Variants in PCDH11X observed in about 807,000 individuals in gnomAD.
PCDH11X encodes protocadherin 11 X-linked, also known as protocadherin-11 X-linked.
Under a neutral mutation model 53.3 loss-of-function variants are expected in PCDH11X, and 18 were observed. The observed-to-expected ratio is 0.34, with a 90% CI of 0.23 to 0.50. The LOEUF (loss-of-function observed/expected upper bound fraction) is 0.50, where lower values mean the gene tolerates loss of function less well. PCDH11X is among the 20% of genes least tolerant of loss of function. The pLI, the probability that PCDH11X is intolerant of heterozygous loss-of-function variation, is 0.98. For missense variants in PCDH11X, 570 were observed against 1,032.4 expected (o/e 0.55, Z 6.14); for synonymous variants, 279 against 393.3 (o/e 0.71, Z 3.44).
intron 8 of PCDH11X, among the ~76,000 whole-genome samples, chrX:92,309,822 G>A (rs1172962957): frequency 9.0e-6 from 1 of 111,328 alleles, no homozygotes; most frequent in African/African-American, 3.3e-5. Flanking sequence ...TTTCCCCCAA[G>A]CCAGTGATAG....
chrX:92,156,158 A>T (rs1427337727), intron 6 of PCDH11X, among the ~76,000 whole-genome samples: 2 of 107,789 alleles, frequency 1.9e-5, no homozygotes, highest in African/African-American at 6.9e-5. Flanking sequence ...AAGAGACCAT[A>T]GGATTGATTA....
In PCDH11X at chrX:92,152,791, GTATGTATT is replaced by G. The variant is rs1220527132; in HGVS notation, c.3034-48580_3034-48573del. Among the ~76,000 whole-genome samples, 476 of 72,518 alleles carry G rather than the reference GTATGTATT, an allele frequency of 6.6e-3. 2 individuals are homozygous for G. Among genetic ancestry groups the G allele is most frequent in the African/African-American group, 0.026 (424 of 16,481 alleles). The allele number at this position is 72,518 out of a possible 115,157, so 63.0% of individuals were successfully genotyped here. A position where few individuals can be genotyped will look rare whatever the true frequency, so the allele number is the denominator to read the frequency against. ...TGTATGTATGTATGTATGTATGTAT[GTATGTATT>G]TATTTATTTATTTTTTGAGACGGAG... On this transcript the variant is annotated intron_variant, in intron 6 of 10. Coordinates refer to ENST00000682573, the MANE Select transcript of PCDH11X (RefSeq NM_032968.5).
At chrX:92,581,740 G>A (rs1420494230) in intron 10 of PCDH11X, among the ~76,000 whole-genome samples, 2 of 111,550 alleles carry the variant, frequency 1.8e-5, no homozygotes, top group Non-Finnish European at 3.8e-5. Context: ...GGAACAGTTT[G>A]GAGGGCTCTG....
intron 9 of PCDH11X, chrX:92,460,410 A>G (rs2073012745): frequency 3.5e-6 from 3 of 868,153 alleles, no homozygotes; most frequent in Non-Finnish European, 5.1e-6. Flanking sequence ...AGATCATGGC[A>G]GACATCCGGG....
At chrX:91,902,132 G>T (rs1940977116) in intron 6 of PCDH11X, among the ~76,000 whole-genome samples, 1 of 111,601 alleles carries the variant, frequency 9.0e-6, no homozygotes, top group Non-Finnish European at 1.9e-5. Context: ...AAAAACAAAT[G>T]AAAGAAATTT....
At chrX:92,261,895 A>G (rs1048606704) in intron 7 of PCDH11X, among the ~76,000 whole-genome samples, 1 of 111,708 alleles carries the variant, frequency 9.0e-6, no homozygotes, top group Non-Finnish European at 1.9e-5. Flanking sequence ...ATGCCTTCAC[A>G]GAAAATTAAA....
At chrX:92,452,610 G>A (rs1268268447) in intron 9 of PCDH11X, among the ~76,000 whole-genome samples, 1 of 95,423 alleles carries the variant, frequency 1.0e-5, no homozygotes, top group African/African-American at 3.9e-5. Flanking sequence ...CAATTCACCT[G>A]TCTCAGCCTC....
intron 6 of PCDH11X, among the ~76,000 whole-genome samples, chrX:92,040,574 A>T (rs2063195277): frequency 8.9e-6 from 1 of 111,919 alleles, no homozygotes; most frequent in Admixed American, 9.5e-5. Flanking sequence ...GACGTCCATG[A>T]TACACGACTG....
At chrX:92,371,022 A>G (rs1305307691) in intron 8 of PCDH11X, among the ~76,000 whole-genome samples, 1 of 111,673 alleles carries the variant, frequency 9.0e-6, no homozygotes, top group Admixed American at 9.5e-5. Context: ...TAGCATAGCT[A>G]TGATTGCTTT....
chrX:92,622,791 T>G lies in PCDH11X; in HGVS notation c.*3851T>G, dbSNP rs1429392499. 1 of 109,497 alleles carries G rather than the reference T, an allele frequency of 9.1e-6. No individual in the cohort carries two copies. Among genetic ancestry groups the G allele is most frequent in the East Asian group, 2.9e-4 (1 of 3,499 alleles). The allele number at this position is 109,497 out of a possible 1,213,427, so 9.0% of individuals were successfully genotyped here. On this transcript the variant is annotated 3_prime_UTR_variant, in exon 11 of 11. Coordinates refer to ENST00000682573, the MANE Select transcript of PCDH11X (RefSeq NM_032968.5). ...CTTTCTTACACTAACCGTCATGTGC[T>G]TTTAGTAAATATGATTTTTAAAAGC...
intron 9 of PCDH11X, among the ~76,000 whole-genome samples, chrX:92,457,192 T>C (rs1236742602): frequency 9.1e-6 from 1 of 110,134 alleles, no homozygotes; most frequent in African/African-American, 3.3e-5. Context: ...TCCCTAATAG[T>C]TAAAACAATA....
chrX:92,615,284 G>T (rs1176298393), intron 10 of PCDH11X, among the ~76,000 whole-genome samples: 1 of 110,820 alleles, frequency 9.0e-6, no homozygotes, highest in Non-Finnish European at 1.9e-5. Flanking sequence ...GAAAAGTGGG[G>T]CAACTCAGAT....
chrX:92,117,104 T>C (rs956692243), intron 6 of PCDH11X, among the ~76,000 whole-genome samples: 2 of 108,253 alleles, frequency 1.8e-5, no homozygotes, highest in Non-Finnish European at 3.8e-5. Flanking sequence ...AATCCTTTTA[T>C]GTCTTTAAAC....
At chrX:92,259,499 CATG>C (rs993973041) in intron 7 of PCDH11X, among the ~76,000 whole-genome samples, 4 of 110,935 alleles carry the variant, frequency 3.6e-5, no homozygotes, top group African/African-American at 1.3e-4. Flanking sequence ...AACCAGATCT[CATG>C]ATAACTCACT....
chrX:92,097,512 C>A (rs2064161308), intron 6 of PCDH11X, among the ~76,000 whole-genome samples: 1 of 108,321 alleles, frequency 9.2e-6, no homozygotes, highest in East Asian at 2.9e-4. Context: ...TTATTTTTTT[C>A]TTTTCATTTC....
chrX:92,150,314 C>T (rs186995766), intron 6 of PCDH11X, among the ~76,000 whole-genome samples: 55 of 110,582 alleles, frequency 5.0e-4, no homozygotes, highest in Admixed American at 1.6e-3. Context: ...AAAAGTATGA[C>T]ATTATTGCTT....
At chrX:92,477,812 G>A (rs906270904) in intron 10 of PCDH11X, among the ~76,000 whole-genome samples, 2 of 104,084 alleles carry the variant, frequency 1.9e-5, no homozygotes, top group African/African-American at 7.1e-5. Flanking sequence ...TATTTCTGTG[G>A]GGTCAGTGGT....
At chrX:92,211,481 G>T (rs1346170516) in intron 7 of PCDH11X, among the ~76,000 whole-genome samples, 1 of 111,904 alleles carries the variant, frequency 8.9e-6, no homozygotes, top group East Asian at 2.8e-4. Context: ...TCAGTAAACT[G>T]CTATGATAAT....
chrX:92,485,258 G>A (rs2073617470), intron 10 of PCDH11X, among the ~76,000 whole-genome samples: 1 of 110,659 alleles, frequency 9.0e-6, no homozygotes, highest in Admixed American at 9.7e-5. Context: ...ATATATAATA[G>A]TGTATTTACC....
Sources: gnomAD v4.1 joint callset for allele counts (sites outside exome capture counted in the v4.1 genomes callset) on GRCh38, gnomAD v4.1.1 for gene constraint, MANE v1.5 for transcripts, NCBI Gene and HGNC (gene_info 2026-07-23, HGNC 2026-07-21) for gene names.